Variants in MAPKAP1 observed in about 807,000 individuals in gnomAD.
MAPKAP1 encodes the protein target of rapamycin complex 2 subunit MAPKAP1.
In MAPKAP1, 20 loss-of-function variants were observed where a neutral mutation model predicts 65.7. The ratio of observed to expected loss-of-function variants is 0.30; its 90% CI spans 0.21 to 0.44. The LOEUF is 0.44. Among genes scored for constraint, MAPKAP1 ranks in the 20% least tolerant of loss-of-function variants. The pLI, the probability that MAPKAP1 is intolerant of heterozygous loss-of-function variation, is 1.00. For missense variants in MAPKAP1, 423 were observed against 648.0 expected (o/e 0.65, Z 3.77); for synonymous variants, 222 against 244.3 (o/e 0.91, Z 0.85).
intron 1 of MAPKAP1, among the ~76,000 whole-genome samples, chr9:125,698,316 TATATATATATATATATATATAA>T (rs1835485396): frequency 1.2e-5 from 1 of 86,640 alleles, no homozygotes; most frequent in African/African-American, 5.3e-5. Context: ...TATATATATA[TATATATATATATATATATATAA>T]AATATATATA....
At position 125,560,060 on chromosome 9, in the gene MAPKAP1, T is replaced by C. The variant is rs151279012; in HGVS notation, c.672-251A>G. ...TTCTTGCAACATTCACTGAGCCCTA[T>C]TGCAGCTACGACAAAGAACCTAACC... On this transcript the variant is annotated intron_variant, in intron 5 of 11. Transcript: ENST00000265960. 4.3e-3 allele frequency among the ~76,000 whole-genome samples: 651 copies of C among 152,294 alleles called. 4 individuals are homozygous for C. Among genetic ancestry groups the C allele is most frequent in the African/African-American group, 0.015 (603 of 41,558 alleles).
chr9:125,686,771 A>C (rs2131836140), intron 1 of MAPKAP1, among the ~76,000 whole-genome samples: 1 of 152,220 alleles, frequency 6.6e-6, no homozygotes, highest in African/African-American at 2.4e-5. Flanking sequence ...CTCTCTACAA[A>C]GGTAAACCAT....
At chr9:125,581,140 T>C (rs1216370540) in intron 5 of MAPKAP1, among the ~76,000 whole-genome samples, 1 of 152,254 alleles carries the variant, frequency 6.6e-6, no homozygotes, top group Non-Finnish European at 1.5e-5. Flanking sequence ...CAGTTTTAAG[T>C]AGAAATAAGG....
intron 4 of MAPKAP1, among the ~76,000 whole-genome samples, chr9:125,647,684 G>C (rs1564600139): frequency 1.3e-5 from 2 of 152,192 alleles, no homozygotes; most frequent in African/African-American, 2.4e-5. Flanking sequence ...GGCCGCTCTT[G>C]TCTTTTAAGT....
At chr9:125,671,044 A>G (rs1834483183) in intron 2 of MAPKAP1, among the ~76,000 whole-genome samples, 2 of 152,190 alleles carry the variant, frequency 1.3e-5, no homozygotes, top group Admixed American at 1.3e-4. Context: ...TGCAATTAAT[A>G]AATGTGAAGG....
chr9:125,474,594 T>C (rs909678593), intron 9 of MAPKAP1, among the ~76,000 whole-genome samples: 1 of 152,208 alleles, frequency 6.6e-6, no homozygotes, highest in African/African-American at 2.4e-5. Flanking sequence ...TGGTGAGTTC[T>C]GACTTGCCAG....
At chr9:125,649,177 C>T (rs1588036711) in intron 4 of MAPKAP1, among the ~76,000 whole-genome samples, 1 of 152,162 alleles carries the variant, frequency 6.6e-6, no homozygotes, top group East Asian at 1.9e-4. Flanking sequence ...TCCCTAGTCC[C>T]CTCCATACCT....
At chr9:125,469,770 G>A (rs1853828836) in intron 9 of MAPKAP1, among the ~76,000 whole-genome samples, 1 of 152,216 alleles carries the variant, frequency 6.6e-6, no homozygotes, top group Non-Finnish European at 1.5e-5. Flanking sequence ...TTTCAGGAGG[G>A]TGAGAATGTA....
chr9:125,648,727 G>A (rs1039487938), intron 4 of MAPKAP1, among the ~76,000 whole-genome samples: 1 of 152,046 alleles, frequency 6.6e-6, no homozygotes, highest in Admixed American at 6.5e-5. Context: ...CGGATTACCT[G>A]GTCAGGAGTT....
chr9:125,471,113 T>C (rs933401150), intron 9 of MAPKAP1: 6 of 152,256 alleles, frequency 3.9e-5, no homozygotes, highest in Non-Finnish European at 5.9e-5. Context: ...TCTCAGCTTC[T>C]TAAGGCAGCG....
At chr9:125,645,711 T>G (rs1833706038) in intron 4 of MAPKAP1, among the ~76,000 whole-genome samples, 2 of 141,880 alleles carry the variant, frequency 1.4e-5, no homozygotes, top group Non-Finnish European at 3.0e-5. Context: ...CACTCCGGCC[T>G]GCGTGATGGA....
At chr9:125,679,656 A>T (rs1277524033) in intron 1 of MAPKAP1, among the ~76,000 whole-genome samples, 1 of 152,170 alleles carries the variant, frequency 6.6e-6, no homozygotes, top group Non-Finnish European at 1.5e-5. Flanking sequence ...TCAAGTCTAT[A>T]CCTGAAATAC....
chr9:125,556,113 C>G (rs559430919), intron 6 of MAPKAP1, among the ~76,000 whole-genome samples: 30 of 152,352 alleles, frequency 2.0e-4, no homozygotes, highest in African/African-American at 4.1e-4. Flanking sequence ...ATATGCTAAA[C>G]ACTGTTCTAA....
intron 6 of MAPKAP1, 73 bp from the exon 7 acceptor site, chr9:125,543,241 T>C: frequency 9.2e-7 from 1 of 1,082,068 alleles, no homozygotes. Context: ...CTTCACTGTG[T>C]TTAAGCAAGT....
At chr9:125,453,826 T>C (rs947967984) in intron 10 of MAPKAP1, among the ~76,000 whole-genome samples, 1 of 152,230 alleles carries the variant, frequency 6.6e-6, no homozygotes, top group Non-Finnish European at 1.5e-5. Flanking sequence ...TCACTACTGA[T>C]ATTGGAAAAG....
At chr9:125,465,391 A>C (rs906814239) in intron 10 of MAPKAP1, among the ~76,000 whole-genome samples, 1 of 152,236 alleles carries the variant, frequency 6.6e-6, no homozygotes. Context: ...AAGGGTTACC[A>C]TTAATCCTTT....
intron 3 of MAPKAP1, 43 bp from the exon 4 acceptor site, chr9:125,657,842 A>G (rs753097903): frequency 5.0e-6 from 8 of 1,591,508 alleles, no homozygotes; most frequent in Non-Finnish European, 6.9e-6. Flanking sequence ...GATTACACAG[A>G]GACAACTTGT....
intron 4 of MAPKAP1, among the ~76,000 whole-genome samples, chr9:125,647,123 A>G (rs528041387): frequency 8.5e-5 from 13 of 152,354 alleles, no homozygotes; most frequent in African/African-American, 2.6e-4. Flanking sequence ...AAATGCACAT[A>G]TAACAAATCA....
chr9:125,580,802 C>A (rs868595964), intron 5 of MAPKAP1, among the ~76,000 whole-genome samples: 2 of 152,218 alleles, frequency 1.3e-5, no homozygotes, highest in South Asian at 2.1e-4. Flanking sequence ...GTAATCATCA[C>A]CAAGATACAA....
Sources: allele counts gnomAD v4.1 joint callset (sites outside exome capture counted in the v4.1 genomes callset), GRCh38; gene constraint gnomAD v4.1.1; transcripts MANE v1.5; gene names NCBI Gene and HGNC (gene_info 2026-07-23, HGNC 2026-07-21).